GCH1: variants seen among roughly 807,000 people sequenced by gnomAD.
GCH1 encodes the protein GTP cyclohydrolase 1.
Under a neutral mutation model 25.9 loss-of-function variants are expected in GCH1, and 5 were observed. The ratio of observed to expected loss-of-function variants is 0.19; its 90% CI spans 0.10 to 0.41. The LOEUF is 0.41. Ranked by LOEUF, GCH1 falls within the 10% of genes least tolerant of loss-of-function variation. GCH1 has a pLI of 1.00. For synonymous variants in GCH1, 159 were observed against 129.6 expected, an observed-to-expected ratio of 1.23 and a Z score of -1.54; for missense variants, 261 against 336.5, an observed-to-expected ratio of 0.78 and a Z score of 1.75.
intron 1 of GCH1, among the ~76,000 whole-genome samples, chr14:54,869,241 ATGTTGGCCAGGCTGGT>A (rs2040034339): frequency 6.6e-6 from 1 of 151,772 alleles, no homozygotes; most frequent in Non-Finnish European, 1.5e-5. Context: ...GGGTTTCACT[ATGTTGGCCAGGCTGGT>A]CTCGAACTCC....
intron 3 of GCH1, among the ~76,000 whole-genome samples, chr14:54,855,758 G>A (rs2039801760): frequency 1.3e-5 from 2 of 151,984 alleles, no homozygotes; most frequent in South Asian, 4.1e-4. Flanking sequence ...AGGTTGCAGT[G>A]AGCCAAAATC....
chr14:54,857,605 G>C (rs1490574119), intron 3 of GCH1, among the ~76,000 whole-genome samples: 1 of 152,174 alleles, frequency 6.6e-6, no homozygotes, highest in East Asian at 1.9e-4. Context: ...CAGGGGACTG[G>C]GCCTACAGCT....
intron 1 of GCH1, among the ~76,000 whole-genome samples, chr14:54,893,716 G>A (rs758631933): frequency 1.1e-4 from 16 of 152,126 alleles, no homozygotes; most frequent in Non-Finnish European, 2.1e-4. Flanking sequence ...ACCCCATCGT[G>A]CTACTGTGAG....
intron 1 of GCH1, among the ~76,000 whole-genome samples, chr14:54,891,189 G>C (rs564059951): frequency 6.6e-6 from 1 of 152,004 alleles, no homozygotes; most frequent in Non-Finnish European, 1.5e-5. Context: ...TGCAACCTTC[G>C]GCTCCCAAGT....
chr14:54,868,064 C>G (rs928831842), intron 1 of GCH1, among the ~76,000 whole-genome samples: 1 of 152,128 alleles, frequency 6.6e-6, no homozygotes, highest in African/African-American at 2.4e-5. Flanking sequence ...AAATCCATAA[C>G]TGCAGCCTAA....
intron 4 of GCH1, among the ~76,000 whole-genome samples, chr14:54,846,384 C>T (rs1021725622): frequency 6.6e-6 from 1 of 152,078 alleles, no homozygotes; most frequent in African/African-American, 2.4e-5. Context: ...ACTGATGAAA[C>T]CCCCCAGTAT....
rs111602887 is a variant in GCH1 at position 54,845,288 on chromosome 14, G to C, written c.626+480C>G. 3.6e-3 allele frequency among the ~76,000 whole-genome samples: 538 copies of C among 149,308 alleles called. 3 individuals carry two copies. Among genetic ancestry groups the C allele is most frequent in the African/African-American group, 0.012 (500 of 41,050 alleles). On this transcript the variant is annotated intron_variant, in intron 5 of 5. Transcript: ENST00000491895. The stretch of plus-strand genomic sequence containing the variant: ...AGGTCAGGAGTTCGAGACCAGCCTG[G>C]CCGACATGATGAAACCCCATCTCTA...
chr14:54,856,491 T>C (rs1327977533), intron 3 of GCH1, among the ~76,000 whole-genome samples: 2 of 152,196 alleles, frequency 1.3e-5, no homozygotes, highest in African/African-American at 4.8e-5. Context: ...TCTTGCTCTG[T>C]CACGAGACTG....
At position 54,902,812 on chromosome 14, in the gene GCH1, G is replaced by C. The variant is rs973066482; in HGVS notation, c.-149C>G. Reference sequence around the variant, plus strand: ...CTGCTTAGATCACACTCCGAGCCGGGAGCGGCCACAGGCTGGAAAGCCCGG... The same window carrying C: ...CTGCTTAGATCACACTCCGAGCCGGCAGCGGCCACAGGCTGGAAAGCCCGG... On this transcript the variant is annotated 5_prime_UTR_variant, in exon 1 of 6. Transcript: ENST00000491895. The C allele has an allele frequency of 1.8e-4, 197 of 1,087,080 alleles. No individual in the cohort carries two copies. The highest frequency in any genetic ancestry group is 2.2e-4 in the Non-Finnish European group (182 of 846,056). 67.3% of individuals were successfully genotyped at this position (1,087,080 alleles called of 1,614,324 possible).
chr14:54,888,151 T>C (rs10498472), intron 1 of GCH1, among the ~76,000 whole-genome samples: 1 of 152,082 alleles, frequency 6.6e-6, no homozygotes, highest in Non-Finnish European at 1.5e-5. Context: ...AGAAACCTTT[T>C]CAAAAATCTG....
chr14:54,847,165 A>G (rs1307721532), intron 3 of GCH1, 35 bp from the exon 4 acceptor site: 10 of 867,948 alleles, frequency 1.2e-5, no homozygotes, highest in Admixed American at 2.1e-5. Context: ...TTAATCACAA[A>G]TCATTTGAAG....
intron 1 of GCH1, among the ~76,000 whole-genome samples, chr14:54,877,928 C>T (rs2040186916): frequency 6.6e-6 from 1 of 152,186 alleles, no homozygotes; most frequent in Non-Finnish European, 1.5e-5. Flanking sequence ...TGAGAATTTG[C>T]ATTTCTAACA....
At chr14:54,873,512 G>A (rs1188599871) in intron 1 of GCH1, among the ~76,000 whole-genome samples, 11 of 150,806 alleles carry the variant, frequency 7.3e-5, no homozygotes, top group East Asian at 3.9e-4. Flanking sequence ...AACTGAAGGA[G>A]ATAGAGACAC....
rs185153971 is a variant in GCH1 at position 54,865,272 on chromosome 14, T to C, written c.453+55A>G. The stretch of plus-strand genomic sequence containing the variant: ...AAAATTTTAAATATAATTATTCTAA[T>C]TGAAAAACTTTCACTATGTTTTAAA... On this transcript the variant is annotated intron_variant, in intron 2 of 5. Transcript: ENST00000491895. 1,404 of 820,326 alleles carry C rather than the reference T, an allele frequency of 1.7e-3. 2 individuals carry two copies. The highest frequency in any genetic ancestry group is 2.4e-3 in the Non-Finnish European group (1,170 of 484,214). 50.8% of individuals were successfully genotyped at this position (820,326 alleles called of 1,614,324 possible).
chr14:54,891,335 A>T (rs902768640), intron 1 of GCH1, among the ~76,000 whole-genome samples: 1 of 150,376 alleles, frequency 6.6e-6, no homozygotes, highest in African/African-American at 2.5e-5. Flanking sequence ...CGAACTCCTG[A>T]CCTCAAATGA....
At chr14:54,867,241 C>A (rs1051511212) in intron 1 of GCH1, among the ~76,000 whole-genome samples, 1 of 152,150 alleles carries the variant, frequency 6.6e-6, no homozygotes, top group African/African-American at 2.4e-5. Flanking sequence ...TAAGCTCTGA[C>A]GACAACCATA....
intron 1 of GCH1, among the ~76,000 whole-genome samples, chr14:54,889,024 A>G (rs577313179): frequency 2.4e-4 from 37 of 152,298 alleles, no homozygotes; most frequent in African/African-American, 7.7e-4. Context: ...ACCAAAATGA[A>G]AGGACACGCA....
chr14:54,866,014 A>T (rs1202645797), intron 1 of GCH1, among the ~76,000 whole-genome samples: 1 of 152,032 alleles, frequency 6.6e-6, no homozygotes, highest in Non-Finnish European at 1.5e-5. Context: ...TAAATCCTAC[A>T]GTTTGTGTGT....
chr14:54,854,531 G>T (rs952196092), intron 3 of GCH1, among the ~76,000 whole-genome samples: 8 of 151,670 alleles, frequency 5.3e-5, no homozygotes, highest in African/African-American at 1.9e-4. Flanking sequence ...AAAAAAAAAA[G>T]AAGTTTGTGA....
Sources: allele counts gnomAD v4.1 joint callset (sites outside exome capture counted in the v4.1 genomes callset), GRCh38; gene constraint gnomAD v4.1.1; transcripts MANE v1.5; gene names NCBI Gene and HGNC (gene_info 2026-07-23, HGNC 2026-07-21).